Variants in GLIS3 observed in about 807,000 individuals in gnomAD.
GLIS3 encodes the protein zinc finger protein GLIS3.
GLIS3 carries 53 observed loss-of-function variants against 78.6 expected under a neutral mutation model. The observed-to-expected ratio is 0.67, with a 90% CI of 0.54 to 0.85. The LOEUF is 0.85. GLIS3 is among the 40% of genes least tolerant of loss of function. GLIS3 has a pLI of 0.00. For synonymous variants in GLIS3, 684 were observed against 509.9 expected, an observed-to-expected ratio of 1.34 and a Z score of -4.60; for missense variants, 1,703 against 1,231.1, an observed-to-expected ratio of 1.38 and a Z score of -5.74.
chr9:4,227,284 G>T (rs1821853728), intron 2 of GLIS3, among the ~76,000 whole-genome samples: 1 of 144,190 alleles, frequency 6.9e-6, no homozygotes, highest in African/African-American at 2.6e-5. Context: ...CCTAAAGATG[G>T]TTCTGGGTCA....
At chr9:4,220,960 G>A (rs1821281634) in intron 2 of GLIS3, among the ~76,000 whole-genome samples, 1 of 152,050 alleles carries the variant, frequency 6.6e-6, no homozygotes, top group African/African-American at 2.4e-5. Context: ...ACTCCAGCCT[G>A]GGTTACACAG....
chr9:4,387,217 T>C, the GLIS3 span, among the ~76,000 whole-genome samples: 1 of 152,210 alleles, frequency 6.6e-6, no homozygotes, highest in Non-Finnish European at 1.5e-5. Context: ...CTTAAAGTCT[T>C]AGCATGAGCA....
At chr9:4,391,524 T>C in the GLIS3 span, among the ~76,000 whole-genome samples, 2 of 151,510 alleles carry the variant, frequency 1.3e-5, no homozygotes. Flanking sequence ...TCTTCCTCAT[T>C]GCTAGATTTA....
intron 2 of GLIS3, among the ~76,000 whole-genome samples, chr9:4,250,624 T>C (rs1392967535): frequency 6.6e-6 from 1 of 152,218 alleles, no homozygotes; most frequent in Admixed American, 6.5e-5. Context: ...AGTTCTGCTC[T>C]GATCTTAGTT....
At chr9:3,917,088 A>G (rs10974129) in intron 6 of GLIS3, among the ~76,000 whole-genome samples, 22,986 of 152,228 alleles carry the variant, frequency 0.15, 1,859 homozygotes, top group African/African-American at 0.21. Context: ...ATACCACAGA[A>G]CATTTAAAAG....
At chr9:4,355,115 G>C in the GLIS3 span, among the ~76,000 whole-genome samples, 2 of 149,852 alleles carry the variant, frequency 1.3e-5, no homozygotes, top group Admixed American at 1.3e-4. Context: ...CTGGGCGACA[G>C]AGCGAGACTC....
intron 4 of GLIS3, among the ~76,000 whole-genome samples, chr9:4,056,737 A>C (rs1280259568): frequency 6.6e-6 from 1 of 152,106 alleles, no homozygotes; most frequent in Admixed American, 6.6e-5. Flanking sequence ...ACGCACACAC[A>C]AACTATGACG....
At chr9:3,972,511 G>A (rs1415404294) in intron 4 of GLIS3, among the ~76,000 whole-genome samples, 1 of 152,114 alleles carries the variant, frequency 6.6e-6, no homozygotes, top group Non-Finnish European at 1.5e-5. Flanking sequence ...ATTTGGGCTT[G>A]CCAGCTTCCA....
At chr9:4,206,627 G>A (rs549546547) in intron 2 of GLIS3, among the ~76,000 whole-genome samples, 1 of 152,298 alleles carries the variant, frequency 6.6e-6, no homozygotes, top group East Asian at 1.9e-4. Context: ...TTGCTGAACT[G>A]GAAGAACTCT....
intron 2 of GLIS3, among the ~76,000 whole-genome samples, chr9:4,278,797 T>A (rs1827255612): frequency 6.6e-6 from 1 of 152,218 alleles, no homozygotes; most frequent in Non-Finnish European, 1.5e-5. Context: ...AATGCAGAGA[T>A]CTGGTAACAC....
At chr9:3,944,989 G>A (rs553012) in intron 4 of GLIS3, among the ~76,000 whole-genome samples, 40,926 of 152,110 alleles carry the variant, frequency 0.27, 6,156 homozygotes, top group African/African-American at 0.41. Context: ...GGAGACAACT[G>A]ATGCAGTCCC....
At position 3,959,648 on chromosome 9, in the gene GLIS3, G is replaced by A. The variant is rs181782784; in HGVS notation, c.1711-22459C>T. Among the ~76,000 whole-genome samples the A allele has an allele frequency of 9.3e-4, 141 of 152,054 alleles. 1 individual carries two copies. The highest frequency in any genetic ancestry group is 3.2e-3 in the African/African-American group (133 of 41,460). On this transcript the variant is annotated intron_variant, in intron 4 of 10. Coordinates refer to ENST00000381971, the MANE Select transcript of GLIS3 (RefSeq NM_001042413.2). ...ACGCATAAAGCCCTTCCCACCTCAG[G>A]GCCTTTCACATGCCATTCCCTGCCC...
chr9:4,442,490 T>G, the GLIS3 span, among the ~76,000 whole-genome samples: 1 of 152,084 alleles, frequency 6.6e-6, no homozygotes, highest in South Asian at 2.1e-4. Context: ...AACTTGGGAG[T>G]GAAAACACGA....
intron 2 of GLIS3, among the ~76,000 whole-genome samples, chr9:4,152,858 C>T (rs1247508127): frequency 3.3e-5 from 5 of 152,068 alleles, no homozygotes; most frequent in Non-Finnish European, 7.4e-5. Flanking sequence ...TTCTGAAGAC[C>T]TAAATAAACA....
At chr9:4,356,511 G>C in the GLIS3 span, among the ~76,000 whole-genome samples, 1 of 152,196 alleles carries the variant, frequency 6.6e-6, no homozygotes, top group Non-Finnish European at 1.5e-5. Context: ...ATGACTGACA[G>C]ATATTAGATG....
At chr9:3,873,462 A>C (rs1821095143) in intron 8 of GLIS3, among the ~76,000 whole-genome samples, 1 of 152,214 alleles carries the variant, frequency 6.6e-6, no homozygotes, top group Non-Finnish European at 1.5e-5. Context: ...AATGGGCGCA[A>C]AAAACCATAT....
At chr9:4,233,103 T>C (rs941262995) in intron 2 of GLIS3, among the ~76,000 whole-genome samples, 5 of 152,202 alleles carry the variant, frequency 3.3e-5, no homozygotes, top group Non-Finnish European at 5.9e-5. Flanking sequence ...ACGATACAAA[T>C]ACAAAGGTGA....
chr9:3,937,301 T>G, intron 4 of GLIS3, 112 bp from the exon 5 acceptor site: 1 of 1,043,188 alleles, frequency 9.6e-7, no homozygotes, highest in Non-Finnish European at 1.4e-6. Context: ...AATGATAAAA[T>G]AAAATCAAAT....
At chr9:4,137,163 T>G in intron 2 of GLIS3, among the ~76,000 whole-genome samples, 1 of 152,136 alleles carries the variant, frequency 6.6e-6, no homozygotes, top group South Asian at 2.1e-4. Flanking sequence ...TTATAATTAG[T>G]TGCTAAAGAT....
Sources: gnomAD v4.1 joint callset for allele counts (sites outside exome capture counted in the v4.1 genomes callset) on GRCh38, gnomAD v4.1.1 for gene constraint, MANE v1.5 for transcripts, NCBI Gene and HGNC (gene_info 2026-07-23, HGNC 2026-07-21) for gene names.